Variants in FOXP1 observed in about 807,000 individuals in gnomAD.
The protein encoded by FOXP1 is forkhead box protein P1.
A neutral mutation model predicts 98.2 loss-of-function variants in FOXP1; 15 were observed. That is an observed-to-expected ratio of 0.15 (90% CI 0.10 to 0.24). FOXP1 has a LOEUF of 0.24. Ranked by LOEUF, FOXP1 falls within the 10% of genes least tolerant of loss-of-function variation. FOXP1 has a pLI of 1.00. For synonymous variants in FOXP1, 371 were observed against 314.5 expected (o/e 1.18, Z -1.90); for missense variants, 633 against 848.5 (o/e 0.75, Z 3.15).
At chr3:71,476,602 G>A (rs1299978347) in intron 3 of FOXP1, among the ~76,000 whole-genome samples, 3 of 151,434 alleles carry the variant, frequency 2.0e-5, no homozygotes, top group African/African-American at 4.9e-5. Context: ...GCGATTCTCC[G>A]GCCTCAGCCT....
chr3:71,535,661 C>A (rs945191622), intron 2 of FOXP1, among the ~76,000 whole-genome samples: 3 of 152,152 alleles, frequency 2.0e-5, no homozygotes, highest in African/African-American at 7.2e-5. Flanking sequence ...GAGGTGAAGG[C>A]TGCAGTAAGC....
At chr3:71,358,202 T>C (rs543765858) in intron 4 of FOXP1, among the ~76,000 whole-genome samples, 5 of 152,356 alleles carry the variant, frequency 3.3e-5, no homozygotes, top group African/African-American at 1.2e-4. Context: ...CAGATTCTGA[T>C]GATTAAAGGA....
At chr3:71,464,016 C>T (rs192012810) in intron 3 of FOXP1, among the ~76,000 whole-genome samples, 37 of 152,278 alleles carry the variant, frequency 2.4e-4, no homozygotes, top group Admixed American at 5.2e-4. Flanking sequence ...TGGTGGCTCA[C>T]GCTTCTATCC....
At chr3:71,435,039 T>G (rs2085115126) in intron 3 of FOXP1, among the ~76,000 whole-genome samples, 1 of 151,442 alleles carries the variant, frequency 6.6e-6, no homozygotes, top group South Asian at 2.1e-4. Context: ...CGTCAGTTCT[T>G]AAACTGATAA....
At chr3:71,120,628 T>C (rs1415274957) in intron 6 of FOXP1, among the ~76,000 whole-genome samples, 1 of 152,172 alleles carries the variant, frequency 6.6e-6, no homozygotes, top group Non-Finnish European at 1.5e-5. Context: ...ACTCTTCTCT[T>C]TGGTCATCAT....
intron 14 of FOXP1, among the ~76,000 whole-genome samples, chr3:70,987,563 T>A (rs17008108): frequency 0.07 from 10,595 of 152,256 alleles, 692 homozygotes; most frequent in East Asian, 0.35. Context: ...GGACTACTAC[T>A]CCCTGCTCTT....
chr3:70,982,722 T>C (rs193013670), intron 14 of FOXP1, among the ~76,000 whole-genome samples: 1 of 152,066 alleles, frequency 6.6e-6, no homozygotes, highest in African/African-American at 2.4e-5. Flanking sequence ...TTAATCTTTC[T>C]TTAGTTTTTA....
chr3:71,011,555 G>A (rs1421296145), intron 12 of FOXP1, among the ~76,000 whole-genome samples: 5 of 152,154 alleles, frequency 3.3e-5, no homozygotes, highest in Non-Finnish European at 7.4e-5. Context: ...CATGCTTGAA[G>A]CCAGCTGTAC....
intron 4 of FOXP1, among the ~76,000 whole-genome samples, chr3:71,318,695 C>T (rs566478070): frequency 1.3e-5 from 2 of 152,102 alleles, no homozygotes; most frequent in Admixed American, 6.5e-5. Context: ...TTTTTGTTTT[C>T]TCTGTCATGT....
chr3:71,536,548 A>C (rs1468948359), intron 2 of FOXP1, among the ~76,000 whole-genome samples: 14 of 150,020 alleles, frequency 9.3e-5, no homozygotes, highest in Admixed American at 9.3e-4. Context: ...TGCATTTATC[A>C]CTTAAACACT....
At chr3:71,521,298 G>A (rs778450661) in intron 2 of FOXP1, among the ~76,000 whole-genome samples, 5 of 152,208 alleles carry the variant, frequency 3.3e-5, no homozygotes, top group East Asian at 1.9e-4. Context: ...TTGGGAGGCC[G>A]AGTGAATCGC....
intron 4 of FOXP1, among the ~76,000 whole-genome samples, chr3:71,336,835 A>G (rs894445854): frequency 6.6e-6 from 1 of 152,198 alleles, no homozygotes; most frequent in African/African-American, 2.4e-5. Context: ...GGGATCAAAC[A>G]TGAGCCTCTG....
chr3:71,549,921 CTT>C (rs2045649262), intron 2 of FOXP1, among the ~76,000 whole-genome samples: 1 of 143,990 alleles, frequency 6.9e-6, no homozygotes, highest in African/African-American at 2.5e-5. Context: ...TTTTAGGCCT[CTT>C]TATATTTAGA....
intron 2 of FOXP1, among the ~76,000 whole-genome samples, chr3:71,500,966 C>T (rs1018631442): frequency 3.9e-5 from 6 of 152,120 alleles, no homozygotes; most frequent in Non-Finnish European, 8.8e-5. Flanking sequence ...CTGAGATGGG[C>T]AGATTATCTG....
At chr3:71,449,771 G>T (rs1378879597) in intron 3 of FOXP1, among the ~76,000 whole-genome samples, 1 of 152,120 alleles carries the variant, frequency 6.6e-6, no homozygotes, top group Non-Finnish European at 1.5e-5. Flanking sequence ...CTCGAATTGA[G>T]GAATTCTTTT....
At chr3:71,579,965 C>A (rs1289182708) in intron 2 of FOXP1, among the ~76,000 whole-genome samples, 1 of 152,012 alleles carries the variant, frequency 6.6e-6, no homozygotes, top group East Asian at 1.9e-4. Context: ...TCCAAGTGAG[C>A]CTTCGCTTGC....
intron 5 of FOXP1, among the ~76,000 whole-genome samples, chr3:71,200,534 C>T (rs2063607809): frequency 6.6e-6 from 1 of 152,144 alleles, no homozygotes; most frequent in Non-Finnish European, 1.5e-5. Flanking sequence ...AAACGGCAGG[C>T]TCACACTCCA....
intron 6 of FOXP1, among the ~76,000 whole-genome samples, chr3:71,160,702 C>G (rs1009172461): frequency 1.3e-5 from 2 of 152,186 alleles, no homozygotes; most frequent in African/African-American, 4.8e-5. Context: ...TGGGACTGCA[C>G]AGATAAATCA....
chr3:71,408,708 C>A (rs1223627617), intron 3 of FOXP1, among the ~76,000 whole-genome samples: 1 of 152,172 alleles, frequency 6.6e-6, no homozygotes, highest in Non-Finnish European at 1.5e-5. Context: ...AAAGGCAATC[C>A]TTTTCATTTG....
Sources: gnomAD v4.1 joint callset for allele counts (sites outside exome capture counted in the v4.1 genomes callset) on GRCh38, gnomAD v4.1.1 for gene constraint, MANE v1.5 for transcripts, NCBI Gene and HGNC (gene_info 2026-07-23, HGNC 2026-07-21) for gene names.